DPYS: variants seen among roughly 807,000 people sequenced by gnomAD.
The protein encoded by DPYS is dihydropyrimidine amidohydrolase.
DPYS carries 39 observed loss-of-function variants against 50.3 expected under a neutral mutation model. The observed-to-expected ratio is 0.78, with a 90% CI of 0.60 to 1.01. The LOEUF (loss-of-function observed/expected upper bound fraction) is 1.01. Ranked by LOEUF, DPYS falls within the 50% of genes least tolerant of loss-of-function variation. DPYS has a pLI of 0.00. For missense variants in DPYS, 659 were observed against 680.9 expected (o/e 0.97, Z 0.36); for synonymous variants, 245 against 250.7 (o/e 0.98, Z 0.22).
intron 7 of DPYS, among the ~76,000 whole-genome samples, chr8:104,400,549 G>C (rs923657376): frequency 2.0e-5 from 3 of 152,216 alleles, no homozygotes; most frequent in African/African-American, 7.2e-5. Flanking sequence ...TGCTCTGGCA[G>C]CAACAGGAAG....
intron 4 of DPYS, among the ~76,000 whole-genome samples, chr8:104,432,087 C>T (rs888514557): frequency 5.9e-5 from 9 of 152,196 alleles, no homozygotes; most frequent in Admixed American, 6.5e-5. Context: ...TGGAGGGTTT[C>T]AACAACTCTT....
intron 1 of DPYS, among the ~76,000 whole-genome samples, chr8:104,461,804 A>G (rs1210400116): frequency 1.3e-5 from 2 of 152,176 alleles, no homozygotes; most frequent in Non-Finnish European, 2.9e-5. Context: ...AGACTCAGAG[A>G]TCATTATCCT....
At chr8:104,458,103 G>A (rs1813991312) in intron 1 of DPYS, among the ~76,000 whole-genome samples, 1 of 152,150 alleles carries the variant, frequency 6.6e-6, no homozygotes, top group South Asian at 2.1e-4. Context: ...TTACCACTGT[G>A]AGCAACCGGA....
chr8:104,450,409 T>C (rs1344556741), intron 2 of DPYS, among the ~76,000 whole-genome samples: 2 of 152,222 alleles, frequency 1.3e-5, no homozygotes, highest in Non-Finnish European at 1.5e-5. Flanking sequence ...GATTATAAGA[T>C]ACTCAAATAA....
intron 4 of DPYS, among the ~76,000 whole-genome samples, chr8:104,430,618 A>C (rs1401994922): frequency 6.6e-6 from 1 of 152,200 alleles, no homozygotes; most frequent in Non-Finnish European, 1.5e-5. Flanking sequence ...ATTTCCTCAG[A>C]GAGTACTGAC....
intron 7 of DPYS, among the ~76,000 whole-genome samples, chr8:104,421,659 A>C (rs1812551868): frequency 6.6e-6 from 1 of 152,208 alleles, no homozygotes; most frequent in African/African-American, 2.4e-5. Flanking sequence ...CAAAAAAGAA[A>C]TGTGAAAGAA....
At chr8:104,399,807 T>G (rs925011114) in intron 7 of DPYS, among the ~76,000 whole-genome samples, 2 of 130,064 alleles carry the variant, frequency 1.5e-5, no homozygotes, top group Non-Finnish European at 3.1e-5. Context: ...AGGCGGAGCT[T>G]GCAGTGAGCC....
At chr8:104,434,408 C>G (rs900022917) in intron 4 of DPYS, among the ~76,000 whole-genome samples, 3 of 152,176 alleles carry the variant, frequency 2.0e-5, no homozygotes, top group Non-Finnish European at 4.4e-5. Context: ...GCATGTCCAA[C>G]CCTCCCTTCC....
In DPYS at chr8:104,392,963, C is replaced by T. The variant is rs374476091; in HGVS notation, c.1264G>A (p.Ala422Thr). 15 of 1,614,000 alleles carry T rather than the reference C, an allele frequency of 9.3e-6. No individual in the cohort carries two copies. In the Admixed American group the frequency reaches 1.2e-4, roughly 13 times the overall value. ...RTISAKTHHQ[A>T]VNFNIFEGMV... ...CCCTCGAAAATGTTGAAGTTAACAG[C>T]CTGATGATGAGTTTTTGCTGAGATA... is the stretch of plus-strand genomic sequence containing the variant. Residue 422 changes from alanine to threonine, a missense_variant, in exon 8 of 10, where the codon GCT (alanine) becomes ACT (threonine). Transcript: ENST00000351513.
At chr8:104,392,564 G>A (rs960361471) in intron 8 of DPYS, among the ~76,000 whole-genome samples, 3 of 152,012 alleles carry the variant, frequency 2.0e-5, no homozygotes, top group Admixed American at 6.6e-5. Flanking sequence ...TGGAAATCCC[G>A]AACTGACCTA....
At chr8:104,414,936 C>CT (rs1422778397) in intron 7 of DPYS, among the ~76,000 whole-genome samples, 1 of 152,204 alleles carries the variant, frequency 6.6e-6, no homozygotes, top group Non-Finnish European at 1.5e-5. Context: ...TGGAATGCAT[C>CT]TTTGTCAAGC....
chr8:104,453,381 C>G (rs1813820473), intron 1 of DPYS, among the ~76,000 whole-genome samples: 2 of 152,128 alleles, frequency 1.3e-5, no homozygotes, highest in Non-Finnish European at 2.9e-5. Context: ...TACCTTCTTC[C>G]TTCTAAAAGT....
chr8:104,410,642 GGCAAA>G (rs1564089326), intron 7 of DPYS, among the ~76,000 whole-genome samples: 5 of 152,024 alleles, frequency 3.3e-5, no homozygotes, highest in Non-Finnish European at 7.4e-5. Context: ...ACTGGTGCCA[GGCAAA>G]TTGGGAAGCA....
intron 7 of DPYS, among the ~76,000 whole-genome samples, chr8:104,403,830 T>C (rs1811906654): frequency 1.3e-5 from 2 of 152,292 alleles, no homozygotes; most frequent in South Asian, 4.1e-4. Context: ...TGCTAAAGAA[T>C]TGTGTGAAAT....
Position 104,427,277 on chromosome 8 carries a change from C to T in DPYS, c.1092+703G>A, listed in dbSNP as rs112859147. Among the ~76,000 whole-genome samples the T allele has an allele frequency of 3.1e-3, 466 of 148,422 alleles. 6 individuals carry two copies. The highest frequency in any genetic ancestry group is 0.021 in the East Asian group (107 of 4,992). Reference sequence around the variant, plus strand: ...AGGTATGAGCATAACGAATACGCTTCGTGTATTTTTTTTTTTTTGTGATGG... The same window carrying T: ...AGGTATGAGCATAACGAATACGCTTTGTGTATTTTTTTTTTTTTGTGATGG... On this transcript the variant is annotated intron_variant, in intron 6 of 9. Coordinates refer to ENST00000351513, the MANE Select transcript of DPYS (RefSeq NM_001385.3).
chr8:104,419,511 C>A (rs1312632172), intron 7 of DPYS: 1 of 152,242 alleles, frequency 6.6e-6, no homozygotes, highest in Non-Finnish European at 1.5e-5. Context: ...GGGAAAACAG[C>A]TGTATGGTGG....
chr8:104,443,437 G>A (rs1303282730), intron 4 of DPYS, among the ~76,000 whole-genome samples: 4 of 152,154 alleles, frequency 2.6e-5, no homozygotes, highest in African/African-American at 9.7e-5. Context: ...AATACCATTT[G>A]GATAATTGCT....
At chr8:104,381,122 G>A in intron 9 of DPYS, 62 bp downstream of exon 9, 1 of 1,370,476 alleles carries the variant, frequency 7.3e-7, no homozygotes, top group South Asian at 1.2e-5. Context: ...ACCCTTATGA[G>A]GAGAGATGCT....
Position 104,381,222 on chromosome 8 carries a change from C to G in DPYS, c.1536G>C (p.Gly512=). ...SRVTKEDATA[G]TRKQAHP is the part of the protein sequence containing the mutation. ...TTCAGGGGTGGGCCTGTTTCCTGGT[C>G]CCTGCTGTGGCATCTTCTTTTGTCA... The change falls in exon 9 of 10, where the codon GGG becomes GGC. Residue 512 remains glycine (G), a synonymous_variant. Transcript: ENST00000351513. The G allele has an allele frequency of 6.2e-7, 1 of 1,614,086 alleles. No individual in the cohort carries two copies. Among genetic ancestry groups the G allele is most frequent in the Non-Finnish European group, 8.5e-7 (1 of 1,180,000 alleles).
Sources: allele counts gnomAD v4.1 joint callset (sites outside exome capture counted in the v4.1 genomes callset), GRCh38; gene constraint gnomAD v4.1.1; transcripts MANE v1.5; gene names NCBI Gene and HGNC (gene_info 2026-07-23, HGNC 2026-07-21).